SLC25A26: variants seen among roughly 807,000 people sequenced by gnomAD.
The protein encoded by SLC25A26 is solute carrier family 25 member 26.
In SLC25A26, 36 loss-of-function variants were observed where a neutral mutation model predicts 37.8. The observed-to-expected ratio is 0.95, with a 90% CI of 0.73 to 1.26. SLC25A26 has a LOEUF of 1.26. SLC25A26 is among the 50% of genes most tolerant of loss of function. The pLI is 0.00. For synonymous variants in SLC25A26, 129 were observed against 122.5 expected (o/e 1.05, Z -0.35); for missense variants, 390 against 331.1 (o/e 1.18, Z -1.38).
chr3:66,266,167 A>ATTAAAGACCC (rs1559633803), intron 5 of SLC25A26, among the ~76,000 whole-genome samples: 1 of 151,590 alleles, frequency 6.6e-6, no homozygotes, highest in African/African-American at 2.4e-5. Context: ...ATGCATATTT[A>ATTAAAGACCC]TTCAGAGTTG....
At chr3:66,329,711 T>C (rs2075924383) in intron 5 of SLC25A26, among the ~76,000 whole-genome samples, 1 of 152,160 alleles carries the variant, frequency 6.6e-6, no homozygotes, top group African/African-American at 2.4e-5. Context: ...CCAATTTTTT[T>C]CCTCCTACTT....
intron 5 of SLC25A26, among the ~76,000 whole-genome samples, chr3:66,263,773 G>A (rs1042017528): frequency 2.6e-5 from 4 of 151,940 alleles, no homozygotes; most frequent in Admixed American, 1.3e-4. Context: ...ATTCTCCTGC[G>A]TCAGCCTCCC....
At chr3:66,190,306 C>A (rs2070913279) in intron 1 of SLC25A26, among the ~76,000 whole-genome samples, 1 of 128,062 alleles carries the variant, frequency 7.8e-6, no homozygotes, top group Non-Finnish European at 1.7e-5. Flanking sequence ...CAGAGTGAAA[C>A]CCTGTCAAAA....
At chr3:66,255,652 A>G (rs940097617) in intron 3 of SLC25A26, among the ~76,000 whole-genome samples, 1 of 152,202 alleles carries the variant, frequency 6.6e-6, no homozygotes, top group African/African-American at 2.4e-5. Context: ...GCTTTACAGA[A>G]TGGATTTACC....
intron 3 of SLC25A26, among the ~76,000 whole-genome samples, chr3:66,246,369 A>G (rs1056848580): frequency 6.6e-6 from 1 of 152,174 alleles, no homozygotes; most frequent in African/African-American, 2.4e-5. Context: ...CTTTCAGTCC[A>G]AAAAAATAGA....
upstream of SLC25A26, among the ~76,000 whole-genome samples, chr3:66,216,316 A>T (rs2071360769): frequency 6.6e-6 from 1 of 152,170 alleles, no homozygotes; most frequent in African/African-American, 2.4e-5. Flanking sequence ...GTTCAAGACA[A>T]GCTTGGGCAA....
chr3:66,374,555 G>A (rs12488247), intron 9 of SLC25A26, among the ~76,000 whole-genome samples: 1 of 152,010 alleles, frequency 6.6e-6, no homozygotes, highest in Non-Finnish European at 1.5e-5. Flanking sequence ...TCTAAGTGTT[G>A]AAGTGAAAGG....
chr3:66,174,617 T>TA (rs200658216), intron 1 of SLC25A26, among the ~76,000 whole-genome samples: 10,433 of 150,998 alleles, frequency 0.069, 412 homozygotes, highest in African/African-American at 0.11. Flanking sequence ...CGTCTCTACT[T>TA]AAAAAAAACA....
intron 5 of SLC25A26, among the ~76,000 whole-genome samples, chr3:66,278,060 A>C (rs1330469606): frequency 6.6e-6 from 1 of 152,146 alleles, no homozygotes. Context: ...GTAACATTCA[A>C]AATCTGTAAT....
chr3:66,294,419 C>T (rs577126581), intron 5 of SLC25A26, among the ~76,000 whole-genome samples: 20 of 152,016 alleles, frequency 1.3e-4, no homozygotes, highest in African/African-American at 4.3e-4. Flanking sequence ...GCTTTTGGGC[C>T]GGGACTATGG....
intron 5 of SLC25A26, among the ~76,000 whole-genome samples, chr3:66,317,869 T>G (rs1463435140): frequency 1.3e-5 from 2 of 152,158 alleles, no homozygotes; most frequent in Non-Finnish European, 2.9e-5. Context: ...GGGGTCCTGC[T>G]TAAAGAATCA....
At chr3:66,303,026 C>T (rs1421891712) in intron 5 of SLC25A26, among the ~76,000 whole-genome samples, 2 of 152,126 alleles carry the variant, frequency 1.3e-5, no homozygotes, top group Non-Finnish European at 2.9e-5. Context: ...TGGCCTCTAC[C>T]CACTAGATAC....
intron 5 of SLC25A26, among the ~76,000 whole-genome samples, chr3:66,322,711 A>T (rs561779236): frequency 6.6e-6 from 1 of 152,330 alleles, no homozygotes; most frequent in East Asian, 1.9e-4. Context: ...TACATATGCC[A>T]TGGCTTCAAC....
intron 5 of SLC25A26, among the ~76,000 whole-genome samples, chr3:66,322,059 G>A (rs2075709304): frequency 6.6e-6 from 1 of 152,018 alleles, no homozygotes; most frequent in Non-Finnish European, 1.5e-5. Context: ...CCACATTGGG[G>A]ATCAAATTTC....
At chr3:66,256,829 G>C (rs1420713675) in intron 3 of SLC25A26, among the ~76,000 whole-genome samples, 1 of 152,174 alleles carries the variant, frequency 6.6e-6, no homozygotes, top group African/African-American at 2.4e-5. Context: ...CAGGACTGAG[G>C]CTGCAGTGAG....
intron 5 of SLC25A26, among the ~76,000 whole-genome samples, chr3:66,331,929 T>TTTGC (rs1220882887): frequency 2.0e-5 from 3 of 152,018 alleles, no homozygotes; most frequent in Admixed American, 6.5e-5. Context: ...TTTGTTTTTT[T>TTTGC]TTGTTTGTTT....
intron 6 of SLC25A26, among the ~76,000 whole-genome samples, chr3:66,350,182 A>C (rs1329937275): frequency 6.6e-6 from 1 of 152,054 alleles, no homozygotes; most frequent in African/African-American, 2.4e-5. Context: ...ATTCAGGAAA[A>C]TTTTTCTTAG....
intron 1 of SLC25A26, among the ~76,000 whole-genome samples, chr3:66,172,531 CG>C (rs1208479431): frequency 2.6e-5 from 4 of 151,524 alleles, no homozygotes; most frequent in Admixed American, 6.6e-5. Context: ...CAAGACTGGT[CG>C]GGGCTGTATA....
intron 5 of SLC25A26, among the ~76,000 whole-genome samples, chr3:66,306,026 C>T (rs553741053): frequency 2.0e-5 from 3 of 152,146 alleles, no homozygotes; most frequent in African/African-American, 7.2e-5. Context: ...GCTCTGTTGC[C>T]TAGGCTGGAG....
Sources: gnomAD v4.1 joint callset for allele counts (sites outside exome capture counted in the v4.1 genomes callset) on GRCh38, gnomAD v4.1.1 for gene constraint, MANE v1.5 for transcripts, NCBI Gene and HGNC (gene_info 2026-07-23, HGNC 2026-07-21) for gene names.